DOCK5: variants seen among roughly 807,000 people sequenced by gnomAD.
The protein encoded by DOCK5 is dedicator of cytokinesis protein 5.
A neutral mutation model predicts 251.8 loss-of-function variants in DOCK5; 142 were observed. That is an observed-to-expected ratio of 0.56 (90% confidence interval 0.49 to 0.65). The LOEUF is 0.65. Among genes scored for constraint, DOCK5 ranks in the 30% least tolerant of loss-of-function variants. The pLI is 0.00. For synonymous variants in DOCK5, 842 were observed against 835.5 expected (o/e 1.01, Z -0.13); for missense variants, 2,111 against 2,312.3 (o/e 0.91, Z 1.79).
At chr8:25,193,154 C>T (rs1173056351) in intron 1 of DOCK5, among the ~76,000 whole-genome samples, 3 of 152,218 alleles carry the variant, frequency 2.0e-5, no homozygotes, top group East Asian at 3.9e-4. Context: ...AATACTGACC[C>T]GTTGCTCCTA....
At position 25,377,342 on chromosome 8, in the gene DOCK5, A is replaced by G. The variant is rs2659585; in HGVS notation, c.3854A>G (p.Lys1285Arg). The change falls in exon 38 of 52, where the codon AAG (lysine) becomes AGG (arginine). Residue 1285 changes from lysine (K) to arginine (R), a missense_variant. By Grantham distance (26) the Lys-to-Arg change is conservative. Transcript: ENST00000276440. The part of the protein sequence containing the change: ...DKPCVPHLLQ[K>R]DSYYVYTQQE... ...CCCTGTGTGCCTCATTTGCTTCAGA[A>G]GGACAGTTACTATGTTTATACCCAG... 1 allele frequency: 1,612,458 copies of G among 1,613,722 alleles called. 805,603 individuals are homozygous for G. The highest frequency in any genetic ancestry group is 1 in the East Asian group (44,872 of 44,872).
intron 1 of DOCK5, among the ~76,000 whole-genome samples, chr8:25,215,938 C>T (rs200393976): frequency 0.15 from 20,164 of 135,418 alleles, 1,578 homozygotes; most frequent in Admixed American, 0.24. Context: ...TAAATACACA[C>T]ACACACACAC....
intron 2 of DOCK5, among the ~76,000 whole-genome samples, chr8:25,256,756 T>G (rs1020990768): frequency 6.6e-6 from 1 of 152,124 alleles, no homozygotes; most frequent in Non-Finnish European, 1.5e-5. Context: ...AGGCCTTAGA[T>G]AACCAATTTG....
chr8:25,235,837 G>A (rs1198136861), intron 1 of DOCK5, among the ~76,000 whole-genome samples: 5 of 128,088 alleles, frequency 3.9e-5, no homozygotes, highest in Admixed American at 2.0e-4. Context: ...TCTCACTGTC[G>A]TGCAGGCTGG....
At chr8:25,325,250 G>A (rs1412189998) in intron 17 of DOCK5, 114 bp from the exon 18 acceptor site, 1 of 1,104,776 alleles carries the variant, frequency 9.1e-7, no homozygotes, top group Non-Finnish European at 1.3e-6. Flanking sequence ...GGATCTTCAG[G>A]ATAAATTGAT....
intron 1 of DOCK5, among the ~76,000 whole-genome samples, chr8:25,242,437 A>G (rs1453687619): frequency 3.9e-5 from 6 of 152,168 alleles, no homozygotes. Flanking sequence ...TCCTACCAGC[A>G]ATGCGGGAGA....
intron 25 of DOCK5, among the ~76,000 whole-genome samples, 184 bp downstream of exon 25, chr8:25,342,691 G>GTTTTTTTTTTTTTTTTTTTT (rs1201632677): frequency 3.1e-4 from 22 of 72,074 alleles, no homozygotes; most frequent in East Asian, 1.5e-3. Flanking sequence ...GTTTTTTCTT[G>GTTTTTTTTTTTTTTTTTTTT]TTTTTTTTTT....
intron 48 of DOCK5, among the ~76,000 whole-genome samples, chr8:25,407,089 A>C (rs563036069): frequency 1.3e-5 from 2 of 152,308 alleles, no homozygotes; most frequent in South Asian, 4.1e-4. Flanking sequence ...ATTTTAATAC[A>C]AAAATATGTA....
intron 2 of DOCK5, among the ~76,000 whole-genome samples, chr8:25,257,320 G>C (rs1221112447): frequency 3.9e-5 from 6 of 152,048 alleles, no homozygotes; most frequent in Admixed American, 3.9e-4. Flanking sequence ...TGGGAGACCA[G>C]AATTATTGAT....
chr8:25,392,890 A>G lies in DOCK5; in HGVS notation c.4527+8A>G, dbSNP rs1442465703. ...GTCAAACAGATTTCAACAGTGAGTCATTTGAAATTGGCATTTAGAAAAAAA... is the reference window on the plus strand; with the variant it reads ...GTCAAACAGATTTCAACAGTGAGTCGTTTGAAATTGGCATTTAGAAAAAAA... On this transcript the variant is annotated splice_region_variant and intron_variant, in intron 44 of 51. Coordinates refer to ENST00000276440, the MANE Select transcript of DOCK5 (RefSeq NM_024940.8). 1.2e-6 allele frequency: 2 copies of G among 1,604,774 alleles called. No homozygotes were observed. The highest frequency in any genetic ancestry group is 1.3e-5 in the African/African-American group (1 of 74,928).
chr8:25,306,689 G>A (rs1226277257), intron 11 of DOCK5, among the ~76,000 whole-genome samples: 3 of 150,020 alleles, frequency 2.0e-5, no homozygotes, highest in Non-Finnish European at 4.4e-5. Flanking sequence ...GCGAGACTCC[G>A]TCTGAAAAAA....
At position 25,223,578 on chromosome 8, in the gene DOCK5, A is replaced by C. The variant is rs536764944; in HGVS notation, c.44-20096A>C. On this transcript the variant is annotated intron_variant, in intron 1 of 51. Coordinates refer to ENST00000276440, the MANE Select transcript of DOCK5 (RefSeq NM_024940.8). ...AATCGTCCTGTCTTGGCCTCCTACC[A>C]TGCTGGAATTATAGGTGTGAGCCAC... Among the ~76,000 whole-genome samples, 13 of 152,254 alleles carry C rather than the reference A, an allele frequency of 8.5e-5. No individual in the cohort carries two copies. The South Asian group carries it at 2.7e-3, about 32-fold the overall frequency.
At chr8:25,297,193 C>G (rs1157442254) in intron 7 of DOCK5, among the ~76,000 whole-genome samples, 1 of 152,076 alleles carries the variant, frequency 6.6e-6, no homozygotes, top group Non-Finnish European at 1.5e-5. Flanking sequence ...TTCCCGGGTT[C>G]AAGCAATTCT....
At chr8:25,302,514 C>T (rs946595545) in intron 10 of DOCK5, 60 bp downstream of exon 10, 14 of 1,418,122 alleles carry the variant, frequency 9.9e-6, no homozygotes, top group East Asian at 5.4e-5. Context: ...AATAGCATGG[C>T]GATTTCTCAA....
chr8:25,396,395 GT>G (rs1473121728), intron 45 of DOCK5, among the ~76,000 whole-genome samples: 1 of 152,078 alleles, frequency 6.6e-6, no homozygotes, highest in African/African-American at 2.4e-5. Context: ...GCCTGACTTG[GT>G]GTGCCAGAGG....
At chr8:25,240,348 T>C (rs1230797035) in intron 1 of DOCK5, among the ~76,000 whole-genome samples, 1 of 151,698 alleles carries the variant, frequency 6.6e-6, no homozygotes, top group Non-Finnish European at 1.5e-5. Context: ...TTTAAGCATA[T>C]AATTCACTGA....
chr8:25,355,292 TC>T (rs1800547611), intron 27 of DOCK5, among the ~76,000 whole-genome samples: 1 of 152,176 alleles, frequency 6.6e-6, no homozygotes, highest in African/African-American at 2.4e-5. Flanking sequence ...TTCTATAATT[TC>T]TAGCCAATGT....
At chr8:25,385,119 C>T (rs996788577) in intron 40 of DOCK5, among the ~76,000 whole-genome samples, 2 of 152,076 alleles carry the variant, frequency 1.3e-5, no homozygotes, top group African/African-American at 2.4e-5. Flanking sequence ...ACAGAGAGAG[C>T]TGGGGTGCCA....
At chr8:25,317,696 C>T (rs928610318) in intron 14 of DOCK5, among the ~76,000 whole-genome samples, 10 of 152,004 alleles carry the variant, frequency 6.6e-5, no homozygotes, top group African/African-American at 4.8e-5. Context: ...CTGCAAGCTC[C>T]GCCTCCCGGG....
Sources: allele counts gnomAD v4.1 joint callset (sites outside exome capture counted in the v4.1 genomes callset), GRCh38; gene constraint gnomAD v4.1.1; transcripts MANE v1.5; gene names NCBI Gene and HGNC (gene_info 2026-07-23, HGNC 2026-07-21).